URI1: variants seen among roughly 807,000 people sequenced by gnomAD.
The protein encoded by URI1 is unconventional prefoldin RPB5 interactor 1.
A neutral mutation model predicts 60.2 loss-of-function variants in URI1; 39 were observed. The observed-to-expected ratio is 0.65, with a 90% CI of 0.50 to 0.85. URI1 has a LOEUF of 0.85. URI1 is among the 40% of genes least tolerant of loss of function. URI1 has a pLI of 0.00. For synonymous variants in URI1, 251 were observed against 236.8 expected, an observed-to-expected ratio of 1.06 and a Z score of -0.55; for missense variants, 691 against 665.9, an observed-to-expected ratio of 1.04 and a Z score of -0.42.
In URI1 at chr19:30,012,337, A is replaced by C; in HGVS notation, c.1231A>C (p.Lys411Gln). ...GEYVPRKSIL[K>Q]SRSRENSVCS... Reference sequence around the variant, plus strand: ...ATATGTCCCTCGCAAATCCATCCTGAAGTCTCGAAGTAGAGAGAATAGTGT... The same window carrying C: ...ATATGTCCCTCGCAAATCCATCCTGCAGTCTCGAAGTAGAGAGAATAGTGT... Residue 411 changes from lysine to glutamine, a missense_variant, in exon 10 of 11, where the codon AAG (lysine) becomes CAG (glutamine). Transcript: ENST00000392271. 1 of 1,614,170 alleles carries C rather than the reference A, an allele frequency of 6.2e-7. No individual in the cohort carries two copies. Among genetic ancestry groups the C allele is most frequent in the Admixed American group, 1.7e-5 (1 of 60,022 alleles).
Position 29,942,643 on chromosome 19 carries a change from G to C in URI1, c.96G>C (p.Arg32=). 6.9e-7 allele frequency: 1 copy of C among 1,455,798 alleles called. No individual in the cohort carries two copies. The highest frequency in any genetic ancestry group is 9.0e-7 in the Non-Finnish European group (1 of 1,106,132). 90.2% of individuals were successfully genotyped at this position (1,455,798 alleles called of 1,614,324 possible). ...LVPLRAPDVA[R]LREEQEKVVT... is the part of the protein sequence containing the mutation. The stretch of plus-strand genomic sequence containing the variant: ...CGTTGCGCGCCCCGGATGTGGCGCG[G>C]CTGCGCGAGGAGCAGGAAAAGGTAA... The change falls in exon 1 of 11, where the codon CGG becomes CGC. Residue 32 remains arginine (R), a synonymous_variant. Transcript: ENST00000392271.
chr19:29,971,608 AATAG>A (rs2055460669), intron 2 of URI1, among the ~76,000 whole-genome samples: 1 of 151,860 alleles, frequency 6.6e-6, no homozygotes, highest in African/African-American at 2.4e-5. Context: ...TAATGATGGA[AATAG>A]GGCACAGAAA....
chr19:30,001,025 C>T (rs999572715), intron 4 of URI1, among the ~76,000 whole-genome samples: 1 of 151,388 alleles, frequency 6.6e-6, no homozygotes, highest in African/African-American at 2.4e-5. Flanking sequence ...GCATCCTGTT[C>T]TTGTTTCATG....
At chr19:29,981,322 CT>C (rs1432179239) in intron 2 of URI1, among the ~76,000 whole-genome samples, 1 of 152,058 alleles carries the variant, frequency 6.6e-6, no homozygotes, top group African/African-American at 2.4e-5. Flanking sequence ...TATTTCACCC[CT>C]AAATACTTGA....
Position 29,966,327 on chromosome 19 carries a change from C to T in URI1, c.118-4866C>T, listed in dbSNP as rs188430881. ...CTAATTTTTGTATTTTTGGTAGAGACGGGGTTTCACCATGTTGGCTAGGCT... is the reference window on the plus strand; with the variant it reads ...CTAATTTTTGTATTTTTGGTAGAGATGGGGTTTCACCATGTTGGCTAGGCT... On this transcript the variant is annotated intron_variant, in intron 1 of 10. Transcript: ENST00000392271. Among the ~76,000 whole-genome samples, 121 of 152,048 alleles carry T rather than the reference C, an allele frequency of 8.0e-4. 1 individual carries two copies. The highest frequency in any genetic ancestry group is 1.3e-3 in the Non-Finnish European group (89 of 67,972).
intron 8 of URI1, 61 bp downstream of exon 8, chr19:30,009,414 T>C: frequency 1.4e-6 from 2 of 1,421,084 alleles, no homozygotes; most frequent in South Asian, 2.6e-5. Context: ...CATTATGATA[T>C]TTTTTAGAAG....
At position 30,015,327 on chromosome 19, in the gene URI1, G is replaced by T; in HGVS notation, c.*258G>T. ...AGTTTGCCTTTATGATGCAGTGGCAGCATTTTGAATTACTTTTCAAAGAAT... is the reference window on the plus strand; with the variant it reads ...AGTTTGCCTTTATGATGCAGTGGCATCATTTTGAATTACTTTTCAAAGAAT... On this transcript the variant is annotated 3_prime_UTR_variant, in exon 11 of 11. Transcript: ENST00000392271. The T allele has an allele frequency of 7.1e-7, 1 of 1,413,658 alleles. No individual in the cohort carries two copies. The highest frequency in any genetic ancestry group is 1.7e-5 in the South Asian group (1 of 59,816). 87.6% of individuals were successfully genotyped at this position (1,413,658 alleles called of 1,614,324 possible).
rs1480376780 is a variant in URI1 at position 30,009,247 on chromosome 19, A to G, written c.929A>G (p.Asp310Gly). ...GATGATGATGATGATGACGACGACGACGACAACATTGACGACGATGATGGT... is the reference window on the plus strand; with the variant it reads ...GATGATGATGATGATGACGACGACGGCGACAACATTGACGACGATGATGGT... ...DDDDDDDDDD[D>G]DNIDDDDGDN... Residue 310 changes from aspartate (D) to glycine (G), a missense_variant, in exon 8 of 11, where the codon GAC (aspartate) becomes GGC (glycine). Asp to Gly is a moderately conservative substitution (Grantham distance 94). Coordinates refer to ENST00000392271, the MANE Select transcript of URI1 (RefSeq NM_003796.3). The G allele has an allele frequency of 1.2e-6, 2 of 1,613,578 alleles. No homozygotes were observed. The highest frequency in any genetic ancestry group is 8.5e-7 in the Non-Finnish European group (1 of 1,179,762).
intron 1 of URI1, among the ~76,000 whole-genome samples, chr19:29,958,816 T>C (rs1233282188): frequency 6.6e-6 from 1 of 151,890 alleles, no homozygotes; most frequent in Non-Finnish European, 1.5e-5. Flanking sequence ...AAAAATAAGC[T>C]GGGTGTGGTG....
At chr19:30,010,804 A>G (rs1380690264) in intron 8 of URI1, among the ~76,000 whole-genome samples, 4 of 152,216 alleles carry the variant, frequency 2.6e-5, no homozygotes, top group African/African-American at 9.6e-5. Context: ...GGGTGATGGG[A>G]AGTTTATAAG....
chr19:29,928,957 CTTAT>C (rs1399183954), intron 1 of URI1, among the ~76,000 whole-genome samples: 1 of 152,182 alleles, frequency 6.6e-6, no homozygotes, highest in East Asian at 1.9e-4. Flanking sequence ...GGCTCTTCCT[CTTAT>C]TTAGAGAAAG....
rs1165726452 is a variant in URI1, at chr19:29,933,939, C to CT, written c.63+10185_63+10186insT. ...TTCCTTCTTTCTTTTTCTTTTCTTCCCTTTTTTTTTTTTTGAGATGAAGTC... is the reference window on the plus strand; with the variant it reads ...TTCCTTCTTTCTTTTTCTTTTCTTCCTCTTTTTTTTTTTTTGAGATGAAGTC... On this transcript the variant is annotated intron_variant, in intron 1 of 10. Coordinates refer to the URI1 transcript ENST00000360605. 1.1e-3 allele frequency among the ~76,000 whole-genome samples: 34 copies of CT among 29,764 alleles called. 1 individual carries two copies. The South Asian group carries it at 0.048, about 42-fold the overall frequency. The allele number at this position is 29,764 out of a possible 152,430, so 19.5% of individuals were successfully genotyped here.
Position 30,012,266 on chromosome 19 carries a change from T to C in URI1, c.1179-19T>C, listed in dbSNP as rs377054829. The C allele has an allele frequency of 3.1e-6, 5 of 1,599,942 alleles. No individual in the cohort carries two copies. The highest frequency in any genetic ancestry group is 1.7e-5 in the Admixed American group (1 of 59,010). ...ATGAGTTACGTATAGTGAATGCATA[T>C]GTGTTTTGAATATCACAGAGCCTTT... is the stretch of plus-strand genomic sequence containing the variant. On this transcript the variant is annotated intron_variant, in intron 9 of 10. Coordinates refer to ENST00000392271, the MANE Select transcript of URI1 (RefSeq NM_003796.3).
chr19:29,978,160 C>G (rs780007244), intron 2 of URI1, among the ~76,000 whole-genome samples: 1 of 152,062 alleles, frequency 6.6e-6, no homozygotes, highest in Non-Finnish European at 1.5e-5. Flanking sequence ...GCTTTTATAT[C>G]ATGTTTTTGG....
chr19:30,006,546 A>T (rs2055945069), intron 6 of URI1, among the ~76,000 whole-genome samples: 1 of 152,274 alleles, frequency 6.6e-6, no homozygotes, highest in East Asian at 1.9e-4. Context: ...GTGACAAATT[A>T]TGAGCGCTAC....
At chr19:29,967,223 A>G (rs1404025902) in intron 1 of URI1, among the ~76,000 whole-genome samples, 1 of 152,232 alleles carries the variant, frequency 6.6e-6, no homozygotes, top group East Asian at 1.9e-4. Context: ...AAAAGTTACC[A>G]AATGTTATTT....
intron 1 of URI1, among the ~76,000 whole-genome samples, chr19:29,949,154 G>T (rs1328885756): frequency 1.3e-5 from 2 of 151,022 alleles, no homozygotes; most frequent in African/African-American, 2.4e-5. Context: ...CTCCCAGATG[G>T]GGCGGCTGTG....
At chr19:29,927,560 CTTTTTTTTTTTTTTTT>C (rs3049080) in intron 1 of URI1, among the ~76,000 whole-genome samples, 5 of 39,802 alleles carry the variant, frequency 1.3e-4, no homozygotes, top group African/African-American at 2.6e-4. Context: ...CTGCACCCGG[CTTTTTTTTTTTTTTTT>C]TTTTTTTTTT....
rs1018521751 is a variant in URI1 at position 30,015,195 on chromosome 19, CT to C, written c.*130del. On this transcript the variant is annotated 3_prime_UTR_variant, in exon 11 of 11. Coordinates refer to ENST00000392271, the MANE Select transcript of URI1 (RefSeq NM_003796.3). ...TCCTGAGTTACTTTGGCAACAAGTT[CT>C]TTTACCCTTACCCGTGGTATTTGAA... 8.3e-6 allele frequency: 12 copies of C among 1,443,580 alleles called. No homozygotes were observed. Among genetic ancestry groups the C allele is most frequent in the Non-Finnish European group, 1.1e-5 (12 of 1,101,008 alleles). 89.4% of individuals were successfully genotyped at this position (1,443,580 alleles called of 1,614,324 possible). A position where few individuals can be genotyped will look rare whatever the true frequency, so the allele number is the denominator to read the frequency against.
Sources: gnomAD v4.1 joint callset for allele counts (sites outside exome capture counted in the v4.1 genomes callset) on GRCh38, gnomAD v4.1.1 for gene constraint, MANE v1.5 for transcripts, NCBI Gene and HGNC (gene_info 2026-07-23, HGNC 2026-07-21) for gene names.